EHHADH: variants seen among roughly 807,000 people sequenced by gnomAD.
The protein encoded by EHHADH is enoyl-CoA hydratase and 3-hydroxyacyl CoA dehydrogenase, also known as peroxisomal bifunctional enzyme.
EHHADH carries 48 observed loss-of-function variants against 64.4 expected under a neutral mutation model. The observed-to-expected ratio is 0.75, with a 90% CI of 0.59 to 0.95. EHHADH has a LOEUF of 0.95. Ranked by LOEUF, EHHADH falls within the 40% of genes least tolerant of loss-of-function variation. EHHADH has a pLI of 0.00. For synonymous variants in EHHADH, 308 were observed against 326.7 expected (o/e 0.94, Z 0.62); for missense variants, 854 against 876.6 (o/e 0.97, Z 0.33).
At chr3:185,220,112 T>C (rs1718794978) in intron 4 of EHHADH, among the ~76,000 whole-genome samples, 1 of 152,094 alleles carries the variant, frequency 6.6e-6, no homozygotes, top group South Asian at 2.1e-4. Context: ...CTGGATATTA[T>C]TATAAAAGGA....
At chr3:185,221,139 T>C (rs552068992) in intron 4 of EHHADH, among the ~76,000 whole-genome samples, 3 of 152,346 alleles carry the variant, frequency 2.0e-5, no homozygotes, top group Non-Finnish European at 1.5e-5. Context: ...CTTCCAATAA[T>C]CTTGGTTTCA....
rs752179101 is a variant in EHHADH at position 185,204,406 on chromosome 3, A to G, written c.910+10T>C. On this transcript the variant is annotated intron_variant, in intron 6 of 6. Transcript: ENST00000231887. ...TTTGGAGGATTCCATTCATTACCCC[A>G]TGGTCTTACCAACAACACCAACTGA... is the stretch of plus-strand genomic sequence containing the variant. The G allele has an allele frequency of 1.9e-6, 3 of 1,588,934 alleles. No individual in the cohort carries two copies. The highest frequency in any genetic ancestry group is 2.6e-6 in the Non-Finnish European group (3 of 1,167,800).
At chr3:185,242,501 A>C (rs1350488423) in intron 2 of EHHADH, among the ~76,000 whole-genome samples, 2 of 152,228 alleles carry the variant, frequency 1.3e-5, no homozygotes, top group Admixed American at 6.5e-5. Context: ...GAGAGAACCC[A>C]AAAAATAAAC....
At position 185,193,477 on chromosome 3, in the gene EHHADH, T is replaced by C. The variant is rs1398849044; in HGVS notation, c.921A>G (p.Thr307=). Reference sequence around the variant, plus strand: ...AAGAAATGACAATGCCTCGGCCCATTGTTCCCAAGCCTGCAGATAAAAATC... The same window carrying C: ...AAGAAATGACAATGCCTCGGCCCATCGTTCCCAAGCCTGCAGATAAAAATC... ...VSSVGVVGLG[T]MGRGIVISFA... Residue 307 remains threonine (T), a synonymous_variant, in exon 7 of 7, where the codon ACA becomes ACG. Coordinates refer to ENST00000231887, the MANE Select transcript of EHHADH (RefSeq NM_001966.4). The C allele has an allele frequency of 3.1e-6, 5 of 1,613,780 alleles. No homozygotes were observed. The highest frequency in any genetic ancestry group is 4.2e-6 in the Non-Finnish European group (5 of 1,179,940).
intron 5 of EHHADH, among the ~76,000 whole-genome samples, chr3:185,209,294 AATATATTTTCCATATGTATT>A (rs1394995319): frequency 6.6e-6 from 1 of 152,178 alleles, no homozygotes; most frequent in Admixed American, 6.5e-5. Flanking sequence ...ATAGCATAAA[AATATATTTTCCATATGTATT>A]ATATATGAAA....
intron 1 of EHHADH, among the ~76,000 whole-genome samples, chr3:185,249,194 TCTGGGCTCACTGCAAGCTCTGC>T (rs1248026901): frequency 6.6e-6 from 1 of 152,018 alleles, no homozygotes; most frequent in Non-Finnish European, 1.5e-5. Flanking sequence ...AGTGGCGCGA[TCTGGGCTCACTGCAAGCTCTGC>T]CTCCCGGGTT....
At chr3:185,244,189 G>A (rs2108651045) in intron 2 of EHHADH, among the ~76,000 whole-genome samples, 1 of 152,124 alleles carries the variant, frequency 6.6e-6, no homozygotes, top group Admixed American at 6.5e-5. Flanking sequence ...TTTGTTTTGT[G>A]TTTGCACAGT....
At chr3:185,219,095 C>T (rs1208124034) in intron 4 of EHHADH, among the ~76,000 whole-genome samples, 1 of 152,006 alleles carries the variant, frequency 6.6e-6, no homozygotes, top group Non-Finnish European at 1.5e-5. Flanking sequence ...ATAGTTAACT[C>T]AATGAGAAAA....
chr3:185,240,322 A>T (rs1028457234), intron 2 of EHHADH, among the ~76,000 whole-genome samples: 2 of 151,502 alleles, frequency 1.3e-5, no homozygotes, highest in African/African-American at 2.4e-5. Context: ...TTGATTTTTC[A>T]GAATAGTTTC....
In EHHADH at chr3:185,192,890, T is replaced by G. The variant is rs1717942015; in HGVS notation, c.1508A>C (p.Glu503Ala). The change falls in exon 7 of 7, where the codon GAG (glutamate) becomes GCG (alanine). Residue 503 changes from glutamate (E) to alanine (A), a missense_variant. Physicochemically the swap from Glu to Ala is moderately radical, Grantham distance 107 (BLOSUM62 -1). Transcript: ENST00000231887. Reference protein sequence around the residue: ...YFLLEEGSKPEEVDQVLEEFG... With the variant: ...YFLLEEGSKPAEVDQVLEEFG... ...CTCTTCCAGCACCTGATCTACCTCC[T>G]CTGGTTTGCTGCCTTCTTCTAACAA... 6.2e-7 allele frequency: 1 copy of G among 1,614,068 alleles called. No individual in the cohort carries two copies. The highest frequency in any genetic ancestry group is 1.7e-5 in the Admixed American group (1 of 59,996).
intron 3 of EHHADH, 40 bp downstream of exon 3, chr3:185,235,250 G>T (rs764532589): frequency 6.5e-7 from 1 of 1,533,636 alleles, no homozygotes; most frequent in Non-Finnish European, 8.8e-7. Context: ...CTAAAGAAAA[G>T]CCCCACACAC....
intron 4 of EHHADH, among the ~76,000 whole-genome samples, chr3:185,221,168 G>A (rs1429544343): frequency 6.6e-6 from 1 of 152,078 alleles, no homozygotes; most frequent in African/African-American, 2.4e-5. Context: ...TGCAAATAGG[G>A]CAACAAAATT....
chr3:185,193,209 A>G lies in EHHADH; in HGVS notation c.1189T>C (p.Ser397Pro). The change falls in exon 7 of 7, where the codon TCA becomes CCA. Residue 397 changes from serine to proline, a missense_variant. Transcript: ENST00000231887. The part of the protein sequence containing the change: ...SLKKQVFAEL[S>P]AVCKPEAFLC... ...AATGCTTCTGGTTTGCACACAGCTG[A>G]GAGTTCAGCAAAGACCTGCTTCTTC... 1 of 1,611,108 alleles carries G rather than the reference A, an allele frequency of 6.2e-7. No individual in the cohort carries two copies. Among genetic ancestry groups the G allele is most frequent in the Non-Finnish European group, 8.5e-7 (1 of 1,179,014 alleles).
intron 2 of EHHADH, among the ~76,000 whole-genome samples, chr3:185,237,908 C>T (rs1719339882): frequency 6.6e-6 from 1 of 152,132 alleles, no homozygotes; most frequent in Admixed American, 6.6e-5. Flanking sequence ...CCCCAACCTC[C>T]TTGCCCTTTT....
At chr3:185,219,037 A>AAG (rs1349609877) in intron 4 of EHHADH, among the ~76,000 whole-genome samples, 1 of 152,208 alleles carries the variant, frequency 6.6e-6, no homozygotes, top group South Asian at 2.1e-4. Context: ...AACAAAGAAA[A>AAG]AGAGAGAGAG....
chr3:185,235,217 TATG>T, intron 3 of EHHADH, 70 bp downstream of exon 3: 1 of 1,373,462 alleles, frequency 7.3e-7, no homozygotes, highest in Non-Finnish European at 9.8e-7. Context: ...CGCTGATACT[TATG>T]ACTACATTTA....
chr3:185,224,548 C>CCAAA, intron 4 of EHHADH, among the ~76,000 whole-genome samples: 1 of 146,050 alleles, frequency 6.8e-6, no homozygotes, highest in East Asian at 2.0e-4. Flanking sequence ...ATTTTCCAAA[C>CCAAA]CAAAGCAGGA....
intron 6 of EHHADH, 146 bp from the exon 7 acceptor site, chr3:185,193,633 ACT>A (rs902536305): frequency 1.7e-5 from 15 of 885,654 alleles, no homozygotes; most frequent in African/African-American, 6.8e-5. Flanking sequence ...ACTAGTTAAG[ACT>A]CTGCACTCTC....
chr3:185,233,653 GTTGT>G (rs769994825), intron 3 of EHHADH, among the ~76,000 whole-genome samples: 1 of 151,994 alleles, frequency 6.6e-6, no homozygotes, highest in African/African-American at 2.4e-5. Context: ...TTTTTTTGTT[GTTGT>G]TTGTTTTGAG....
Sources: gnomAD v4.1 joint callset for allele counts (sites outside exome capture counted in the v4.1 genomes callset) on GRCh38, gnomAD v4.1.1 for gene constraint, MANE v1.5 for transcripts, NCBI Gene and HGNC (gene_info 2026-07-23, HGNC 2026-07-21) for gene names.